Variants in VAV3 observed in about 807,000 individuals in gnomAD.
The protein encoded by VAV3 is vav guanine nucleotide exchange factor 3.
VAV3 carries 94 observed loss-of-function variants against 131.2 expected under a neutral mutation model. The observed-to-expected ratio is 0.72, with a 90% confidence interval of 0.61 to 0.85. The LOEUF is 0.85. Among genes scored for constraint, VAV3 ranks in the 40% least tolerant of loss-of-function variants. VAV3 has a pLI of 0.00. For synonymous variants in VAV3, 349 were observed against 342.0 expected (o/e 1.02, Z -0.22); for missense variants, 939 against 1,002.7 (o/e 0.94, Z 0.86).
chr1:107,913,446 C>T (rs10881489), intron 1 of VAV3, among the ~76,000 whole-genome samples: 24,635 of 152,194 alleles, frequency 0.16, 2,104 homozygotes, highest in South Asian at 0.22. Flanking sequence ...GCAATAAAAA[C>T]TTTAAATGCT....
At chr1:107,934,398 T>A (rs1404652118) in intron 1 of VAV3, among the ~76,000 whole-genome samples, 1 of 152,214 alleles carries the variant, frequency 6.6e-6, no homozygotes, top group Non-Finnish European at 1.5e-5. Context: ...ATTTTGCCAC[T>A]CTTTTTCTTC....
intron 2 of VAV3, among the ~76,000 whole-genome samples, chr1:107,860,194 C>T (rs1451409087): frequency 6.6e-6 from 1 of 152,122 alleles, no homozygotes; most frequent in Non-Finnish European, 1.5e-5. Context: ...GATCTCGACT[C>T]ACTGCAGCCT....
At chr1:107,680,608 T>A (rs1340140493) in intron 19 of VAV3, among the ~76,000 whole-genome samples, 1 of 152,144 alleles carries the variant, frequency 6.6e-6, no homozygotes, top group East Asian at 1.9e-4. Context: ...AATGTAGTGG[T>A]GCCATCACAG....
At chr1:107,611,201 G>A (rs1652700044) in intron 21 of VAV3, among the ~76,000 whole-genome samples, 1 of 152,160 alleles carries the variant, frequency 6.6e-6, no homozygotes, top group Admixed American at 6.5e-5. Flanking sequence ...TGCTTAAAAA[G>A]TTTGGACTTT....
At chr1:107,657,411 T>C (rs1656651772) in intron 19 of VAV3, among the ~76,000 whole-genome samples, 1 of 152,228 alleles carries the variant, frequency 6.6e-6, no homozygotes, top group South Asian at 2.1e-4. Context: ...TTTTTAAGAA[T>C]TTCAAATGTT....
intron 2 of VAV3, among the ~76,000 whole-genome samples, chr1:107,813,966 CAGTG>C (rs1030849646): frequency 9.3e-5 from 8 of 85,860 alleles, no homozygotes; most frequent in African/African-American, 2.5e-4. Context: ...AATAGTACTC[CAGTG>C]TGTGTGTGTG....
At chr1:107,936,963 C>T (rs1042605337) in intron 1 of VAV3, among the ~76,000 whole-genome samples, 6 of 152,012 alleles carry the variant, frequency 3.9e-5, no homozygotes, top group Non-Finnish European at 8.8e-5. Flanking sequence ...TCAATGCTGC[C>T]GGTCAGATTT....
At chr1:107,945,715 A>C (rs1674222079) in intron 1 of VAV3, among the ~76,000 whole-genome samples, 1 of 151,720 alleles carries the variant, frequency 6.6e-6, no homozygotes, top group Admixed American at 6.6e-5. Flanking sequence ...CCAGCTATTC[A>C]AGAGGCTGAG....
intron 2 of VAV3, among the ~76,000 whole-genome samples, chr1:107,795,324 C>G (rs557354205): frequency 1.3e-5 from 2 of 152,218 alleles, no homozygotes; most frequent in African/African-American, 4.8e-5. Flanking sequence ...ACAATGGCAA[C>G]CTTAACATAT....
Position 107,665,165 on chromosome 1 carries a change from G to A in VAV3, c.1777+18323C>T, listed in dbSNP as rs955644040. ...AAGAAGTCAGGATTGGAGGCAAGACGAACAATTGGGAGACTATTACAACAG... is the reference window on the plus strand; with the variant it reads ...AAGAAGTCAGGATTGGAGGCAAGACAAACAATTGGGAGACTATTACAACAG... On this transcript the variant is annotated intron_variant, in intron 19 of 26. Transcript: ENST00000370056. Among the ~76,000 whole-genome samples the A allele has an allele frequency of 7.9e-5, 12 of 152,016 alleles. No individual in the cohort carries two copies. The South Asian group carries it at 1.7e-3, about 21-fold the overall frequency.
At chr1:107,933,746 T>A (rs1019016497) in intron 1 of VAV3, among the ~76,000 whole-genome samples, 1 of 147,680 alleles carries the variant, frequency 6.8e-6, no homozygotes, top group Non-Finnish European at 1.5e-5. Flanking sequence ...AGCCCAGGAA[T>A]TCAAGGCTTC....
chr1:107,771,263 T>G (rs1452019476), intron 5 of VAV3, among the ~76,000 whole-genome samples: 2 of 151,654 alleles, frequency 1.3e-5, no homozygotes, highest in Non-Finnish European at 2.9e-5. Context: ...CTTTTTTTTT[T>G]TTTTTTTGAG....
chr1:107,771,704 G>C (rs1199812183), intron 5 of VAV3, among the ~76,000 whole-genome samples: 1 of 152,238 alleles, frequency 6.6e-6, no homozygotes, highest in African/African-American at 2.4e-5. Flanking sequence ...AAGTGCGCAA[G>C]AAGAGTCCTA....
chr1:107,865,042 A>G (rs1020301117), intron 2 of VAV3, among the ~76,000 whole-genome samples: 3 of 152,122 alleles, frequency 2.0e-5, no homozygotes, highest in Non-Finnish European at 2.9e-5. Context: ...CACACTCTTC[A>G]CCACAATTCC....
chr1:107,870,985 C>G (rs1182549371), intron 2 of VAV3, among the ~76,000 whole-genome samples: 2 of 152,092 alleles, frequency 1.3e-5, no homozygotes, highest in Non-Finnish European at 1.5e-5. Context: ...AAGAAAAAAT[C>G]CCATGTGCTT....
intron 1 of VAV3, chr1:107,963,582 T>C (rs1208578328): frequency 6.6e-6 from 1 of 152,186 alleles, no homozygotes; most frequent in East Asian, 1.9e-4. Context: ...GTGTGTGCTC[T>C]AACTTTAAAT....
chr1:107,583,187 GTTTTTTGGCTGCATAAATGTC>G (rs1650206505), intron 25 of VAV3, among the ~76,000 whole-genome samples: 1 of 152,068 alleles, frequency 6.6e-6, no homozygotes, highest in Admixed American at 6.5e-5. Flanking sequence ...TTTTTCATGT[GTTTTTTGGCTGCATAAATGTC>G]TTCTTTTGAG....
chr1:107,783,738 A>G (rs576772393), intron 2 of VAV3, among the ~76,000 whole-genome samples: 47 of 152,106 alleles, frequency 3.1e-4, no homozygotes, highest in Non-Finnish European at 6.2e-4. Context: ...ATTTAAAATG[A>G]AAATTTATTG....
At chr1:107,878,689 C>G (rs1022497814) in intron 1 of VAV3, among the ~76,000 whole-genome samples, 3 of 151,978 alleles carry the variant, frequency 2.0e-5, no homozygotes, top group Non-Finnish European at 2.9e-5. Flanking sequence ...TTAGGGTGTC[C>G]CATCATTACT....
Sources: allele counts gnomAD v4.1 joint callset (sites outside exome capture counted in the v4.1 genomes callset), GRCh38; gene constraint gnomAD v4.1.1; transcripts MANE v1.5; gene names NCBI Gene and HGNC (gene_info 2026-07-23, HGNC 2026-07-21).